The following CLNK variants were observed in gnomAD, a reference collection of about 807,000 sequenced individuals.
CLNK encodes cytokine-dependent hematopoietic cell linker.
Under a neutral mutation model 68.6 loss-of-function variants are expected in CLNK, and 74 were observed. That is an observed-to-expected ratio of 1.08 (90% confidence interval 0.89 to 1.31). The LOEUF is 1.31. Among genes scored for constraint, CLNK ranks in the 50% most tolerant of loss-of-function variants. The pLI, the probability that CLNK is intolerant of heterozygous loss-of-function variation, is 0.00. For synonymous variants in CLNK, 198 were observed against 172.2 expected (o/e 1.15, Z -1.17); for missense variants, 553 against 515.3 (o/e 1.07, Z -0.71).
At chr4:10,726,750 A>G in the CLNK span, among the ~76,000 whole-genome samples, 1 of 152,190 alleles carries the variant, frequency 6.6e-6, no homozygotes, top group Non-Finnish European at 1.5e-5. Flanking sequence ...AGTGGGAAAG[A>G]CATGCCCCTC....
At chr4:10,541,459 C>T (rs993322764) in intron 10 of CLNK, among the ~76,000 whole-genome samples, 1 of 152,016 alleles carries the variant, frequency 6.6e-6, no homozygotes, top group African/African-American at 2.4e-5. Flanking sequence ...CATACTATGG[C>T]AGAGGTGCTC....
the CLNK span, among the ~76,000 whole-genome samples, chr4:10,694,455 A>G: frequency 6.6e-6 from 1 of 152,078 alleles, no homozygotes; most frequent in African/African-American, 2.4e-5. Context: ...AAGTTATAAC[A>G]CCATAATTTT....
chr4:10,667,815 C>G (rs762019929), intron 2 of CLNK, 44 bp downstream of exon 2: 2 of 1,543,300 alleles, frequency 1.3e-6, no homozygotes, highest in South Asian at 1.2e-5. Context: ...CTGTCCCCAC[C>G]AAGAAAAGGG....
intron 2 of CLNK, among the ~76,000 whole-genome samples, chr4:10,649,946 A>T (rs1481218867): frequency 6.6e-6 from 1 of 152,196 alleles, no homozygotes; most frequent in African/African-American, 2.4e-5. Context: ...AGACAACAGG[A>T]TTAGCTGTTC....
At chr4:10,531,041 T>C (rs1301411249) in intron 12 of CLNK, among the ~76,000 whole-genome samples, 2 of 152,260 alleles carry the variant, frequency 1.3e-5, no homozygotes, top group African/African-American at 4.8e-5. Flanking sequence ...TGTGACTTTT[T>C]GATTTTAACA....
chr4:10,610,451 A>C (rs1721969460), intron 2 of CLNK, among the ~76,000 whole-genome samples: 1 of 151,928 alleles, frequency 6.6e-6, no homozygotes, highest in Admixed American at 6.6e-5. Flanking sequence ...TTTGATGCCC[A>C]GGTTTCCAGA....
chr4:10,558,717 G>A (rs1224034747), intron 7 of CLNK, among the ~76,000 whole-genome samples: 3 of 152,172 alleles, frequency 2.0e-5, no homozygotes, highest in Non-Finnish European at 2.9e-5. Context: ...CTTTGGAAAA[G>A]ACACTGAGTA....
intron 8 of CLNK, among the ~76,000 whole-genome samples, chr4:10,551,216 G>C (rs147460651): frequency 6.6e-6 from 1 of 152,196 alleles, no homozygotes; most frequent in Non-Finnish European, 1.5e-5. Flanking sequence ...CTTAGCTACT[G>C]TTCAATTTGT....
At chr4:10,661,359 C>G (rs1724185718) in intron 2 of CLNK, among the ~76,000 whole-genome samples, 1 of 152,180 alleles carries the variant, frequency 6.6e-6, no homozygotes, top group African/African-American at 2.4e-5. Flanking sequence ...AAATATGCCT[C>G]TAATGGGCAA....
intron 3 of CLNK, among the ~76,000 whole-genome samples, chr4:10,587,648 C>T (rs1337554648): frequency 6.6e-6 from 1 of 152,200 alleles, no homozygotes; most frequent in Non-Finnish European, 1.5e-5. Context: ...TTACTGCCTT[C>T]TGTTCACCAT....
intron 11 of CLNK, among the ~76,000 whole-genome samples, chr4:10,538,620 G>A (rs1487283945): frequency 6.6e-6 from 1 of 152,154 alleles, no homozygotes; most frequent in East Asian, 1.9e-4. Context: ...TTTGAAAATG[G>A]AAATCAAAAC....
At chr4:10,680,883 G>T (rs4479698) in intron 1 of CLNK, among the ~76,000 whole-genome samples, 58 of 152,234 alleles carry the variant, frequency 3.8e-4, no homozygotes, top group African/African-American at 1.2e-3. Flanking sequence ...ATCAGAAGTA[G>T]GAGTTTGGGA....
At chr4:10,553,903 G>A (rs2108815911) in intron 8 of CLNK, among the ~76,000 whole-genome samples, 1 of 152,328 alleles carries the variant, frequency 6.6e-6, no homozygotes, top group East Asian at 1.9e-4. Flanking sequence ...CTTATACTTA[G>A]CTGAAAGTAA....
chr4:10,725,500 T>G, the CLNK span, among the ~76,000 whole-genome samples: 1 of 152,010 alleles, frequency 6.6e-6, no homozygotes, highest in Non-Finnish European at 1.5e-5. Context: ...CCATCAGAAG[T>G]GACTACCCCC....
In CLNK at chr4:10,644,737, C is replaced by T. The variant is rs117033714; in HGVS notation, c.11+23122G>A. On this transcript the variant is annotated intron_variant, in intron 2 of 18. Transcript: ENST00000226951. Reference sequence around the variant, plus strand: ...CAAATTTTAAAACAAAAACAGGATCCGTATTACTGATTTTCCTTTTCTCAC... The same window carrying T: ...CAAATTTTAAAACAAAAACAGGATCTGTATTACTGATTTTCCTTTTCTCAC... Among the ~76,000 whole-genome samples the T allele has an allele frequency of 8.5e-5, 13 of 152,234 alleles. No homozygotes were observed. The East Asian group carries it at 2.3e-3, about 27-fold the overall frequency.
Position 10,639,452 on chromosome 4 carries a change from G to A in CLNK, c.11+28407C>T, listed in dbSNP as rs556366151. Among the ~76,000 whole-genome samples the A allele has an allele frequency of 6.6e-5, 10 of 152,306 alleles. No individual in the cohort carries two copies. In the East Asian group the frequency reaches 1.5e-3, roughly 24 times the overall value. ...GGGGCTGCCTATAGCTCTCAGCTTG[G>A]GAACCAACTAATGGCATGAGACACC... On this transcript the variant is annotated intron_variant, in intron 2 of 18. Transcript: ENST00000226951.
intron 3 of CLNK, 45 bp from the exon 4 acceptor site, chr4:10,585,000 T>C (rs765682124): frequency 6.2e-7 from 1 of 1,605,940 alleles, no homozygotes; most frequent in Non-Finnish European, 8.5e-7. Flanking sequence ...TTGCTCCACC[T>C]CCACCGACCC....
At chr4:10,713,430 G>A in the CLNK span, among the ~76,000 whole-genome samples, 1 of 152,172 alleles carries the variant, frequency 6.6e-6, no homozygotes, top group Non-Finnish European at 1.5e-5. Context: ...CTAGGAGGAA[G>A]GGGGAACAAC....
chr4:10,500,210 T>C (rs1716981727), intron 18 of CLNK, among the ~76,000 whole-genome samples: 1 of 152,214 alleles, frequency 6.6e-6, no homozygotes, highest in Non-Finnish European at 1.5e-5. Flanking sequence ...ACTAACTTCG[T>C]TCCTTCCTTC....
Sources: allele counts gnomAD v4.1 joint callset (sites outside exome capture counted in the v4.1 genomes callset), GRCh38; gene constraint gnomAD v4.1.1; transcripts MANE v1.5; gene names NCBI Gene and HGNC (gene_info 2026-07-23, HGNC 2026-07-21).